Variants in PDGFB observed in about 807,000 individuals in gnomAD.
The protein encoded by PDGFB is platelet derived growth factor subunit B, also known as platelet-derived growth factor subunit B.
In PDGFB, 6 loss-of-function variants were observed where a neutral mutation model predicts 29.0. That is an observed-to-expected ratio of 0.21 (90% CI 0.11 to 0.41). The LOEUF (loss-of-function observed/expected upper bound fraction) is 0.41. PDGFB is among the 10% of genes least tolerant of loss of function. PDGFB has a pLI of 1.00. For synonymous variants in PDGFB, 144 were observed against 140.8 expected (o/e 1.02, Z -0.16); for missense variants, 299 against 341.8 (o/e 0.87, Z 0.99).
chr22:39,243,997 A>G lies in PDGFB; in HGVS notation c.-34T>C, dbSNP rs1205784030. On this transcript the variant is annotated 5_prime_UTR_variant, in exon 1 of 7. Transcript: ENST00000331163. This position sits in a 1 kb window ranked among gnomAD's most constrained non-coding sequence, Gnocchi z 6.4. ...CGGGCCCGGCCCCGCGGGGCCCCGG[A>G]CGCGTAGATCGAGCGCGCCGCCCCC... 7.8e-6 allele frequency: 10 copies of G among 1,274,608 alleles called. No homozygotes were observed. The highest frequency in any genetic ancestry group is 1.0e-5 in the Non-Finnish European group (10 of 966,342). 79.0% of individuals were successfully genotyped at this position (1,274,608 alleles called of 1,614,324 possible).
rs1292384272 is a variant in PDGFB at position 39,233,469 on chromosome 22, C to A, written c.216G>T (p.Glu72Asp). The stretch of plus-strand genomic sequence containing the variant: ...TTCTTCCACGAGCCAAGCTCTCCAG[C>A]TCGCCTCCAGAGTGGGAGCGGGTCA... ...LNMTRSHSGG[E>D]LESLARGRRS... The change falls in exon 3 of 7, where the codon GAG (glutamate) becomes GAT (aspartate). Residue 72 changes from glutamate to aspartate, a missense_variant. By Grantham distance (45) the Glu-to-Asp change is conservative (BLOSUM62 2). Transcript: ENST00000331163. 1.9e-6 allele frequency: 3 copies of A among 1,594,454 alleles called. No individual in the cohort carries two copies. Among genetic ancestry groups the A allele is most frequent in the Admixed American group, 3.5e-5 (2 of 57,402 alleles).
chr22:39,230,252 C>T (rs1374624434), intron 4 of PDGFB, 24 bp from the exon 5 acceptor site: 1 of 1,612,548 alleles, frequency 6.2e-7, no homozygotes, highest in Non-Finnish European at 8.5e-7. Flanking sequence ...CCACAAAATG[C>T]CTCTGTAGAG....
chr22:39,241,256 G>T (rs1309115174), intron 1 of PDGFB: 2 of 421,152 alleles, frequency 4.7e-6, no homozygotes, highest in Non-Finnish European at 8.8e-6. Context: ...GCTGCCTGCC[G>T]TCTGCTGAAA....
chr22:39,240,654 A>G (rs1487596959), intron 1 of PDGFB, among the ~76,000 whole-genome samples: 5 of 152,218 alleles, frequency 3.3e-5, no homozygotes. Flanking sequence ...TGTTCTTTGC[A>G]CTAATAGTTA....
intron 4 of PDGFB, among the ~76,000 whole-genome samples, chr22:39,230,558 G>C (rs1265944017): frequency 6.6e-6 from 1 of 152,222 alleles, no homozygotes; most frequent in South Asian, 2.1e-4. Context: ...TCAGGGCTGC[G>C]GCAGAGGCGG....
chr22:39,233,449 C>T lies in PDGFB; in HGVS notation c.236G>A (p.Gly79Glu), dbSNP rs779333096. 8 of 1,594,272 alleles carry T rather than the reference C, an allele frequency of 5.0e-6. No individual in the cohort carries two copies. The South Asian group carries it at 6.8e-5, about 14-fold the overall frequency. Residue 79 changes from glycine to glutamate, a missense_variant, in exon 3 of 7, where the codon GGA becomes GAA. Gly to Glu is a moderately conservative substitution (Grantham distance 98). Transcript: ENST00000331163. ...CTCAGTCTTACCCAGGCTCCTTCTT[C>T]CACGAGCCAAGCTCTCCAGCTCGCC... ...SGGELESLAR[G>E]RRSLGSLTIA...
intron 5 of PDGFB, among the ~76,000 whole-genome samples, chr22:39,226,642 C>T (rs1185003173): frequency 4.6e-5 from 7 of 152,322 alleles, no homozygotes; most frequent in South Asian, 4.1e-4. Flanking sequence ...GCAGCTGCTA[C>T]GACTCACTTT....
chr22:39,226,534 C>T (rs1360190080), intron 5 of PDGFB, among the ~76,000 whole-genome samples: 1 of 152,194 alleles, frequency 6.6e-6, no homozygotes, highest in Non-Finnish European at 1.5e-5. Context: ...TGACTGCAAC[C>T]AATAGAGGGG....
At chr22:39,236,862 AAC>A (rs1457257043) in intron 1 of PDGFB, among the ~76,000 whole-genome samples, 1 of 152,174 alleles carries the variant, frequency 6.6e-6, no homozygotes, top group Non-Finnish European at 1.5e-5. Context: ...CACGTGTGCA[AAC>A]ACACACGTGC....
At chr22:39,235,757 C>T (rs1182375012) in intron 2 of PDGFB, 21 bp downstream of exon 2, 56 of 1,572,158 alleles carry the variant, frequency 3.6e-5, no homozygotes, top group South Asian at 2.2e-4. Flanking sequence ...GGCCGGAGCG[C>T]GGGGCGAGGA....
intron 5 of PDGFB, among the ~76,000 whole-genome samples, chr22:39,227,740 G>A (rs1932201842): frequency 6.6e-6 from 1 of 152,296 alleles, no homozygotes; most frequent in South Asian, 2.1e-4. Context: ...CACCCTGGCA[G>A]GGACAGCTGT....
At chr22:39,233,856 A>G (rs739014) in intron 2 of PDGFB, among the ~76,000 whole-genome samples, 147,857 of 152,258 alleles carry the variant, frequency 0.97, 71,929 homozygotes, top group East Asian at 1. Context: ...GCCGGGACCT[A>G]GGGCACTGAA....
At position 39,243,309 on chromosome 22, in the gene PDGFB, A is replaced by G. The variant is rs535924293; in HGVS notation, c.63+592T>C. 8.9e-6 allele frequency among the ~76,000 whole-genome samples: 1 copy of G among 112,104 alleles called. No individual in the cohort carries two copies. The highest frequency in any genetic ancestry group is 2.8e-4 in the South Asian group (1 of 3,532). The allele number at this position is 112,104 out of a possible 152,430, so 73.5% of individuals were successfully genotyped here. A position where few individuals can be genotyped will look rare whatever the true frequency, so the allele number is the denominator to read the frequency against. On this transcript the variant is annotated intron_variant, in intron 1 of 6. Coordinates refer to ENST00000331163, the MANE Select transcript of PDGFB (RefSeq NM_002608.4). This position sits in a 1 kb window ranked among gnomAD's most constrained non-coding sequence, Gnocchi z 6.4. ...CTCTCTCTCTCTCCCTGTTACTCCC[A>G]CCCCAAACCCCGCGCCCGAGACACA...
Position 39,231,018 on chromosome 22 carries a change from C to A in PDGFB, c.456+604G>T, listed in dbSNP as rs150776119. Among the ~76,000 whole-genome samples the A allele has an allele frequency of 1.7e-3, 264 of 152,332 alleles. No individual in the cohort carries two copies. The highest frequency in any genetic ancestry group is 5.8e-3 in the African/African-American group (240 of 41,580). ...TTTTCCCTGAGTCCAGTGTATGTAT[C>A]CCCCGTCCCTCCGAAGAAAAGCAGG... On this transcript the variant is annotated intron_variant, in intron 4 of 6. Transcript: ENST00000331163. This position sits in a 1 kb window ranked among gnomAD's most constrained non-coding sequence, Gnocchi z 4.3.
Position 39,244,057 on chromosome 22 carries a change from C to A in PDGFB, c.-94G>T. ...GTGGGGGGCTGGGGAGGGGGGTGGG[C>A]TCGGCTCGGGTCCGCGGCGATCAGG... On this transcript the variant is annotated 5_prime_UTR_variant, in exon 1 of 7. Transcript: ENST00000331163. The surrounding 1 kb of genome is among the most constrained non-coding windows in gnomAD (Gnocchi z 4.5). 1 of 596,922 alleles carries A rather than the reference C, an allele frequency of 1.7e-6. No homozygotes were observed. Among genetic ancestry groups the A allele is most frequent in the Non-Finnish European group, 2.7e-6 (1 of 369,326 alleles). 37.0% of individuals were successfully genotyped at this position (596,922 alleles called of 1,614,324 possible). A position where few individuals can be genotyped will look rare whatever the true frequency, so the allele number is the denominator to read the frequency against.
intron 3 of PDGFB, among the ~76,000 whole-genome samples, chr22:39,233,100 T>C (rs1433095970): frequency 1.3e-5 from 2 of 152,176 alleles, no homozygotes; most frequent in South Asian, 4.1e-4. Flanking sequence ...TCCCTAGCAG[T>C]GTGACCTCGC....
Position 39,231,792 on chromosome 22 carries a change from C to T in PDGFB, c.286G>A (p.Glu96Lys), listed in dbSNP as rs141576265. The T allele has an allele frequency of 8.1e-6, 13 of 1,613,688 alleles. 1 individual carries two copies. The highest frequency in any genetic ancestry group is 3.3e-5 in the South Asian group (3 of 91,018). ...LTIAEPAMIA[E>K]CKTRTEVFEI... is the part of the protein sequence containing the mutation. ...AACACCTCGGTGCGCGTCTTGCACT[C>T]GGCGATCATGGCCGGCTCAGCAATG... is the stretch of plus-strand genomic sequence containing the variant. Residue 96 changes from glutamate to lysine, a missense_variant, in exon 4 of 7, where the codon GAG becomes AAG. Coordinates refer to ENST00000331163, the MANE Select transcript of PDGFB (RefSeq NM_002608.4). This position sits in a 1 kb window ranked among gnomAD's most constrained non-coding sequence, Gnocchi z 4.3.
At chr22:39,238,831 G>A (rs918369230) in intron 1 of PDGFB, among the ~76,000 whole-genome samples, 3 of 152,280 alleles carry the variant, frequency 2.0e-5, no homozygotes, top group African/African-American at 7.2e-5. Context: ...CAGTGGCAAT[G>A]TATGAAGGCA....
rs1213438632 is a variant in PDGFB, at chr22:39,231,640, C to T, written c.438G>A (p.Val146=). Residue 146 remains valine, a synonymous_variant, in exon 4 of 7, where the codon GTG becomes GTA. Coordinates refer to ENST00000331163, the MANE Select transcript of PDGFB (RefSeq NM_002608.4). The surrounding 1 kb of genome is among the most constrained non-coding windows in gnomAD (Gnocchi z 4.3). ...TACGCACCTGGACAGGTCGCAGCTG[C>T]ACCTGGGTGGGGCGGCACTGCACGT... ...NRNVQCRPTQ[V]QLRPVQVRKI... is the part of the protein sequence containing the mutation. The T allele has an allele frequency of 2.5e-6, 4 of 1,574,178 alleles. No homozygotes were observed. In the South Asian group the frequency reaches 3.5e-5, roughly 14 times the overall value.
Sources: gnomAD v4.1 joint callset for allele counts (sites outside exome capture counted in the v4.1 genomes callset) on GRCh38, gnomAD v4.1.1 for gene constraint, Gnocchi (gnomAD v3.1) non-coding constraint, MANE v1.5 for transcripts, NCBI Gene and HGNC (gene_info 2026-07-23, HGNC 2026-07-21) for gene names.